The following JAKMIP1 variants were observed in gnomAD, a reference collection of about 807,000 sequenced individuals.
The protein encoded by JAKMIP1 is janus kinase and microtubule-interacting protein 1.
JAKMIP1 carries 33 observed loss-of-function variants against 113.0 expected under a neutral mutation model. That is an observed-to-expected ratio of 0.29 (90% CI 0.22 to 0.39). The LOEUF is 0.39. JAKMIP1 is among the 10% of genes least tolerant of loss of function. The probability of loss-of-function intolerance (pLI) is 1.00; values close to 1 mark genes in which losing one functional copy is unlikely to be tolerated. For synonymous variants in JAKMIP1, 480 were observed against 459.9 expected (o/e 1.04, Z -0.56); for missense variants, 813 against 1,080.5 (o/e 0.75, Z 3.47).
intron 1 of JAKMIP1, among the ~76,000 whole-genome samples, chr4:6,170,076 ACT>A (rs1724225330): frequency 3.3e-5 from 1 of 30,268 alleles, no homozygotes; most frequent in Non-Finnish European, 5.5e-5. Flanking sequence ...CATCATTACC[ACT>A]CCACCACCAC....
chr4:6,145,659 C>T (rs1441953147), intron 1 of JAKMIP1, among the ~76,000 whole-genome samples: 1 of 152,188 alleles, frequency 6.6e-6, no homozygotes, highest in African/African-American at 2.4e-5. Context: ...GCTGCTACAA[C>T]AAACCACTAC....
In JAKMIP1 at chr4:6,042,927, T is replaced by A. The variant is rs1019150693; in HGVS notation, c.2029-700A>T. On this transcript the variant is annotated intron_variant, in intron 16 of 20. Transcript: ENST00000409021. This position sits in a 1 kb window ranked among gnomAD's most constrained non-coding sequence, Gnocchi z 5.2. ...GCGGGGCGTGCACCTGAGCGGCAGGTAAGGGAGTGGGAGCTCTGTCCACGT... is the reference window on the plus strand; with the variant it reads ...GCGGGGCGTGCACCTGAGCGGCAGGAAAGGGAGTGGGAGCTCTGTCCACGT... Among the ~76,000 whole-genome samples, 1 of 151,678 alleles carries A rather than the reference T, an allele frequency of 6.6e-6. No homozygotes were observed. The highest frequency in any genetic ancestry group is 2.4e-5 in the African/African-American group (1 of 41,272).
chr4:6,185,638 A>G lies in JAKMIP1; in HGVS notation c.-148+14615T>C, dbSNP rs543320244. On this transcript the variant is annotated intron_variant, in intron 1 of 20. Coordinates refer to ENST00000409021, the MANE Select transcript of JAKMIP1 (RefSeq NM_001099433.2). The surrounding 1 kb of genome is among the most constrained non-coding windows in gnomAD (Gnocchi z 5.3). ...ACTCCAGCCTGAGCGACAGAGGAAG[A>G]CTCCGTCTCAAAAAAACAAAAGCCA... Among the ~76,000 whole-genome samples, 1 of 151,330 alleles carries G rather than the reference A, an allele frequency of 6.6e-6. No homozygotes were observed. The highest frequency in any genetic ancestry group is 2.0e-4 in the East Asian group (1 of 5,110).
At chr4:6,110,543 G>A (rs1200269903) in intron 2 of JAKMIP1, among the ~76,000 whole-genome samples, 1 of 149,884 alleles carries the variant, frequency 6.7e-6, no homozygotes, top group Non-Finnish European at 1.5e-5. Context: ...TGATCTCTCA[G>A]GTCACTGCCA....
chr4:6,098,585 GGAAAGGAAGAAA>G (rs1560180195), intron 3 of JAKMIP1, among the ~76,000 whole-genome samples: 97 of 85,538 alleles, frequency 1.1e-3, no homozygotes, highest in African/African-American at 4.5e-3. Flanking sequence ...AAAGAAAGAA[GGAAAGGAAGAAA>G]GAAAGGAAGA....
intron 11 of JAKMIP1, among the ~76,000 whole-genome samples, chr4:6,057,491 T>A (rs1222320535): frequency 6.6e-6 from 1 of 152,072 alleles, no homozygotes; most frequent in Non-Finnish European, 1.5e-5. Context: ...CCCAAGCACA[T>A]GGAATGCACA....
At chr4:6,170,003 C>CT (rs1560314291) in intron 1 of JAKMIP1, among the ~76,000 whole-genome samples, 158 of 142,724 alleles carry the variant, frequency 1.1e-3, no homozygotes, top group African/African-American at 4.1e-3. Context: ...ACCACCACCA[C>CT]CACCACCCTC....
chr4:6,170,362 CA>C (rs1724326567), intron 1 of JAKMIP1, among the ~76,000 whole-genome samples: 3 of 151,092 alleles, frequency 2.0e-5, no homozygotes, highest in African/African-American at 4.9e-5. Context: ...CCACCACCAC[CA>C]CCTCTATCAC....
rs1250995528 is a variant in JAKMIP1, at chr4:6,105,545, A to C, written c.552T>G (p.Arg184=). 1 of 1,606,072 alleles carries C rather than the reference A, an allele frequency of 6.2e-7. No individual in the cohort carries two copies. The change falls in exon 3 of 21, where the codon CGT becomes CGG. Residue 184 remains arginine, a synonymous_variant. Transcript: ENST00000409021. ...QADKTKAADL[R]AAYQAHQDEV... ...CGTCTTGGTGCGCCTGGTAGGCGGC[A>C]CGCAGGTCGGCTGCCTTGGTCTTGT...
chr4:6,111,031 G>A (rs991036849), intron 2 of JAKMIP1, among the ~76,000 whole-genome samples: 3 of 151,990 alleles, frequency 2.0e-5, no homozygotes, highest in Admixed American at 1.3e-4. Flanking sequence ...ACCTAGGGAT[G>A]GAGACAGGTG....
At chr4:6,161,381 T>A (rs1206595178) in intron 1 of JAKMIP1, among the ~76,000 whole-genome samples, 2 of 147,890 alleles carry the variant, frequency 1.4e-5, no homozygotes, top group African/African-American at 5.3e-5. Flanking sequence ...GTCCGACCTA[T>A]CTGGCTGCCC....
chr4:6,118,608 T>G (rs1025675561), intron 1 of JAKMIP1, among the ~76,000 whole-genome samples: 7 of 152,140 alleles, frequency 4.6e-5, no homozygotes, highest in African/African-American at 1.7e-4. Flanking sequence ...ATGCACTGGG[T>G]GCAAGGCCTT....
At chr4:6,062,229 C>T (rs542814567) in intron 10 of JAKMIP1, 83 bp downstream of exon 10, 4 of 1,478,102 alleles carry the variant, frequency 2.7e-6, no homozygotes, top group Non-Finnish European at 2.8e-6. Flanking sequence ...GTGTCCAAGC[C>T]AGGGTATGTC....
chr4:6,146,143 T>A (rs1720819707), intron 1 of JAKMIP1, among the ~76,000 whole-genome samples: 2 of 140,962 alleles, frequency 1.4e-5, no homozygotes, highest in African/African-American at 5.2e-5. Flanking sequence ...TTGAGGACAT[T>A]ACACTCAGTG....
intron 18 of JAKMIP1, among the ~76,000 whole-genome samples, chr4:6,038,169 T>C (rs1343884940): frequency 1.2e-3 from 129 of 104,800 alleles, no homozygotes; most frequent in Non-Finnish European, 1.2e-3. Context: ...CCTCCATCAC[T>C]GAGTCAGAGG....
intron 7 of JAKMIP1, among the ~76,000 whole-genome samples, chr4:6,079,854 C>T (rs1055603361): frequency 1.3e-5 from 2 of 152,186 alleles, no homozygotes; most frequent in African/African-American, 4.8e-5. Flanking sequence ...CAGATCATGC[C>T]CAGTCTCTAA....
rs1179511186 is a variant in JAKMIP1 at position 6,140,239 on chromosome 4, T to C, written c.-147-27242A>G. 1.3e-5 allele frequency among the ~76,000 whole-genome samples: 2 copies of C among 151,558 alleles called. No homozygotes were observed. The highest frequency in any genetic ancestry group is 2.9e-5 in the Non-Finnish European group (2 of 67,910). ...GGACATTTGGGCTGCTCCCTATTTT[T>C]CTTTTTTCCTCTTTTTTTTTTTTTT... On this transcript the variant is annotated intron_variant, in intron 1 of 20. Transcript: ENST00000409021. This position sits in a 1 kb window ranked among gnomAD's most constrained non-coding sequence, Gnocchi z 9.4.
Position 6,098,909 on chromosome 4 carries a change from G to A in JAKMIP1, c.624+6564C>T, listed in dbSNP as rs868245580. On this transcript the variant is annotated intron_variant, in intron 3 of 20. Coordinates refer to ENST00000409021, the MANE Select transcript of JAKMIP1 (RefSeq NM_001099433.2). ...AGTTTTTACGCTTCTTAAACTTCAT[G>A]TGAGTAAAATCATATAGTATGTAGC... Among the ~76,000 whole-genome samples the A allele has an allele frequency of 2.6e-5, 4 of 152,212 alleles. No individual in the cohort carries two copies. The South Asian group carries it at 8.3e-4, about 32-fold the overall frequency.
intron 1 of JAKMIP1, among the ~76,000 whole-genome samples, chr4:6,117,112 C>T (rs538966442): frequency 7.2e-5 from 11 of 152,272 alleles, no homozygotes; most frequent in East Asian, 3.9e-4. Flanking sequence ...TGAAGCTGGC[C>T]CAGGACAGAG....
Sources: gnomAD v4.1 joint callset for allele counts (sites outside exome capture counted in the v4.1 genomes callset) on GRCh38, gnomAD v4.1.1 for gene constraint, Gnocchi (gnomAD v3.1) non-coding constraint, MANE v1.5 for transcripts, NCBI Gene and HGNC (gene_info 2026-07-23, HGNC 2026-07-21) for gene names.